Variants in SAFB2 observed in about 807,000 individuals in gnomAD.
SAFB2 encodes the protein scaffold attachment factor B2.
In SAFB2, 32 loss-of-function variants were observed where a neutral mutation model predicts 100.6. The ratio of observed to expected loss-of-function variants is 0.32; its 90% CI spans 0.24 to 0.43. SAFB2 has a LOEUF of 0.43. Among genes scored for constraint, SAFB2 ranks in the 20% least tolerant of loss-of-function variants. SAFB2 has a pLI of 1.00. For synonymous variants in SAFB2, 500 were observed against 439.4 expected (o/e 1.14, Z -1.72); for missense variants, 1,185 against 1,163.4 (o/e 1.02, Z -0.27).
At chr19:5,602,989 G>T (rs1247116565) in intron 11 of SAFB2, among the ~76,000 whole-genome samples, 1 of 150,584 alleles carries the variant, frequency 6.6e-6, no homozygotes, top group Non-Finnish European at 1.5e-5. Flanking sequence ...TCAATCTGGG[G>T]CCAGGTGCAG....
chr19:5,587,089 A>C lies in SAFB2; in HGVS notation c.*154T>G. ...TGGCAGAACAAGAACACATTTATTT[A>C]AAAAAAAAAAAAAAGTGAGTTCACA... On this transcript the variant is annotated 3_prime_UTR_variant, in exon 21 of 21. Transcript: ENST00000252542. This position sits in a 1 kb window ranked among gnomAD's most constrained non-coding sequence, Gnocchi z 4.9. The C allele has an allele frequency of 4.9e-6, 1 of 205,674 alleles. No homozygotes were observed. Among genetic ancestry groups the C allele is most frequent in the Non-Finnish European group, 8.0e-6 (1 of 124,642 alleles). The allele number at this position is 205,674 out of a possible 1,614,324, so 12.7% of individuals were successfully genotyped here.
At chr19:5,589,749 C>A (rs959296855) in intron 18 of SAFB2, among the ~76,000 whole-genome samples, 1 of 152,158 alleles carries the variant, frequency 6.6e-6, no homozygotes, top group African/African-American at 2.4e-5. Context: ...GTGAAGGTGG[C>A]TTTGGACACC....
At position 5,611,173 on chromosome 19, in the gene SAFB2, G is replaced by C. The variant is rs763291766; in HGVS notation, c.1092C>G (p.Val364=). ...RKFDFDACNE[V]PPAPKESSTS... ...TTGAGGACTCTTTAGGAGCCGGAGG[G>C]ACTTCATTACAAGCGTCAAAATCAA... Residue 364 remains valine (V), a synonymous_variant, in exon 7 of 21, where the codon GTC becomes GTG. Coordinates refer to ENST00000252542, the MANE Select transcript of SAFB2 (RefSeq NM_014649.3). 2 of 479,316 alleles carry C rather than the reference G, an allele frequency of 4.2e-6. No homozygotes were observed. The highest frequency in any genetic ancestry group is 6.9e-6 in the Non-Finnish European group (2 of 288,324). The allele number at this position is 479,316 out of a possible 1,614,324, so 29.7% of individuals were successfully genotyped here. A position where few individuals can be genotyped will look rare whatever the true frequency, so the allele number is the denominator to read the frequency against.
At chr19:5,621,493 C>G (rs1381124129) in intron 1 of SAFB2, 97 bp from the exon 2 acceptor site, 1 of 851,694 alleles carries the variant, frequency 1.2e-6, no homozygotes, top group Non-Finnish European at 2.0e-6. Flanking sequence ...AAGGCAAACC[C>G]GTCCTTGCAA....
chr19:5,606,766 G>T lies in SAFB2; in HGVS notation c.1297-1830C>A, dbSNP rs1599258847. On this transcript the variant is annotated intron_variant, in intron 9 of 20. Transcript: ENST00000252542. ...ACCCAGTGAAAATTTATTTCAAAATGAAGACAAAGTAAAGACTTTTTCTGA... is the reference window on the plus strand; with the variant it reads ...ACCCAGTGAAAATTTATTTCAAAATTAAGACAAAGTAAAGACTTTTTCTGA... Among the ~76,000 whole-genome samples, 5 of 152,308 alleles carry T rather than the reference G, an allele frequency of 3.3e-5. 1 individual carries two copies. The highest frequency in any genetic ancestry group is 3.3e-4 in the Admixed American group (5 of 15,296).
At chr19:5,610,611 C>G (rs1455234652) in intron 8 of SAFB2, 28 bp downstream of exon 8, 2 of 1,515,200 alleles carry the variant, frequency 1.3e-6, no homozygotes, top group Middle Eastern at 1.7e-4. Context: ...CCATACCTGG[C>G]TCCCTACCAC....
At position 5,621,354 on chromosome 19, in the gene SAFB2, C is replaced by T; in HGVS notation, c.229G>A (p.Glu77Lys). The T allele has an allele frequency of 6.2e-7, 1 of 1,613,868 alleles. No homozygotes were observed. Among genetic ancestry groups the T allele is most frequent in the Non-Finnish European group, 8.5e-7 (1 of 1,179,752 alleles). The change falls in exon 2 of 21, where the codon GAG (glutamate) becomes AAG (lysine). Residue 77 changes from glutamate (E) to lysine (K), a missense_variant. By Grantham distance (56) the Glu-to-Lys change is moderately conservative. Transcript: ENST00000252542. ...GACTTCTTGCTGGTGGCTTCTAACTCGATGCCAATTTCATCAGGATCTTGC... is the reference window on the plus strand; with the variant it reads ...GACTTCTTGCTGGTGGCTTCTAACTTGATGCCAATTTCATCAGGATCTTGC... ...EGQDPDEIGI[E>K]LEATSKKSAK...
At chr19:5,592,700 C>T (rs749396711) in intron 16 of SAFB2, 47 bp downstream of exon 16, 14 of 1,607,944 alleles carry the variant, frequency 8.7e-6, no homozygotes, top group East Asian at 6.7e-5. Flanking sequence ...CTGGATGCCC[C>T]GGTGCCCACA....
intron 4 of SAFB2, among the ~76,000 whole-genome samples, chr19:5,615,743 A>G (rs2053013518): frequency 6.6e-6 from 1 of 152,122 alleles, no homozygotes; most frequent in South Asian, 2.1e-4. Context: ...CTGTATTTTA[A>G]AAGGAAAAAA....
intron 2 of SAFB2, among the ~76,000 whole-genome samples, chr19:5,618,735 C>T (rs2053084177): frequency 6.6e-6 from 1 of 152,244 alleles, no homozygotes; most frequent in African/African-American, 2.4e-5. Context: ...AGGAGAAATG[C>T]TGACCAAAAA....
intron 9 of SAFB2, among the ~76,000 whole-genome samples, chr19:5,606,602 A>C (rs1039666533): frequency 1.3e-5 from 2 of 152,206 alleles, no homozygotes; most frequent in African/African-American, 4.8e-5. Context: ...TGGGTGACAC[A>C]GTGAGATCCT....
At chr19:5,588,340 T>C (rs1478910611) in intron 18 of SAFB2, among the ~76,000 whole-genome samples, 3 of 152,004 alleles carry the variant, frequency 2.0e-5, no homozygotes, top group Admixed American at 6.6e-5. Context: ...TGTGGAAAAG[T>C]TTGGTGGTTC....
chr19:5,602,543 C>T (rs2145335654), intron 11 of SAFB2, among the ~76,000 whole-genome samples: 1 of 151,362 alleles, frequency 6.6e-6, no homozygotes, highest in South Asian at 2.1e-4. Context: ...CCATGGGGCT[C>T]CGAGCAAACT....
Position 5,600,174 on chromosome 19 carries a change from T to C in SAFB2, c.1646A>G (p.Glu549Gly), listed in dbSNP as rs2052624996. ...DIKKEEKDQD[E>G]LKPGPTNRSR... The stretch of plus-strand genomic sequence containing the variant: ...CCGATTTGTAGGTCCGGGTTTCAGC[T>C]CATCCTGGTCTTTTTCTTCCTTCTT... Residue 549 changes from glutamate (E) to glycine (G), a missense_variant, in exon 12 of 21, where the codon GAG becomes GGG. This residue lies in a region of SAFB2 where 740 missense variants were observed against 687.1 expected (regional missense o/e 1.08). Transcript: ENST00000252542. 3.1e-6 allele frequency: 5 copies of C among 1,614,162 alleles called. No individual in the cohort carries two copies. Among genetic ancestry groups the C allele is most frequent in the Non-Finnish European group, 4.2e-6 (5 of 1,180,024 alleles).
intron 15 of SAFB2, chr19:5,593,602 G>A (rs2052464260): frequency 2.6e-6 from 1 of 384,686 alleles, no homozygotes; most frequent in Non-Finnish European, 4.6e-6. Context: ...ATGCTCCACG[G>A]GTAAGTGGAG....
intron 12 of SAFB2, 130 bp downstream of exon 12, chr19:5,600,000 T>C (rs1400497825): frequency 1.8e-5 from 17 of 943,446 alleles, no homozygotes; most frequent in Non-Finnish European, 2.7e-5. Context: ...TCTTGTTTCT[T>C]TAACACTGCC....
At chr19:5,614,512 C>T (rs184829288) in intron 4 of SAFB2, among the ~76,000 whole-genome samples, 49 of 152,296 alleles carry the variant, frequency 3.2e-4, no homozygotes, top group East Asian at 2.1e-3. Context: ...CTGAGAAAGG[C>T]GGCTAACCAG....
rs144045107 is a variant in SAFB2 at position 5,605,048 on chromosome 19, G to A, written c.1297-112C>T. 3.0e-4 allele frequency: 371 copies of A among 1,242,410 alleles called. 2 individuals carry two copies. In the African/African-American group the frequency reaches 5.4e-3, roughly 18 times the overall value. 77.0% of individuals were successfully genotyped at this position (1,242,410 alleles called of 1,614,324 possible). A position where few individuals can be genotyped will look rare whatever the true frequency, so the allele number is the denominator to read the frequency against. ...ACTATTTGTCACCTCTCCCCATATG[G>A]TAGTTTTCCATTTTAGTTACTGAAT... is the stretch of plus-strand genomic sequence containing the variant. On this transcript the variant is annotated intron_variant, in intron 9 of 20. Transcript: ENST00000252542.
intron 13 of SAFB2, among the ~76,000 whole-genome samples, chr19:5,597,011 G>C (rs146364752): frequency 6.6e-6 from 1 of 152,144 alleles, no homozygotes; most frequent in South Asian, 2.1e-4. Flanking sequence ...ACACAGGAGA[G>C]ACACACATCA....
Sources: gnomAD v4.1 joint callset for allele counts (sites outside exome capture counted in the v4.1 genomes callset) on GRCh38, gnomAD v4.1.1 for gene constraint, gnomAD v4.1.1 regional missense constraint, Gnocchi (gnomAD v3.1) non-coding constraint, MANE v1.5 for transcripts, NCBI Gene and HGNC (gene_info 2026-07-23, HGNC 2026-07-21) for gene names.